Variants in RBFOX3 observed in about 807,000 individuals in gnomAD.
The protein encoded by RBFOX3 is RNA binding fox-1 homolog 3.
Under a neutral mutation model 48.7 loss-of-function variants are expected in RBFOX3, and 17 were observed. The ratio of observed to expected loss-of-function variants is 0.35; its 90% CI spans 0.24 to 0.52. The LOEUF (loss-of-function observed/expected upper bound fraction) is 0.52, where lower values mean the gene tolerates loss of function less well. Among genes scored for constraint, RBFOX3 ranks in the 20% least tolerant of loss-of-function variants. The pLI, the probability that RBFOX3 is intolerant of heterozygous loss-of-function variation, is 0.94. For synonymous variants in RBFOX3, 212 were observed against 209.5 expected (o/e 1.01, Z -0.10); for missense variants, 382 against 497.5 (o/e 0.77, Z 2.21).
intron 4 of RBFOX3, among the ~76,000 whole-genome samples, chr17:79,150,779 G>A: frequency 6.6e-6 from 1 of 152,184 alleles, no homozygotes. Context: ...AAAGAGGGGG[G>A]CAGGGAACTG....
chr17:79,522,452 A>G (rs925392220), intron 1 of RBFOX3, among the ~76,000 whole-genome samples: 7,339 of 152,146 alleles, frequency 0.048, 301 homozygotes, highest in African/African-American at 0.11. Flanking sequence ...TCCCCACCGC[A>G]CACCACCCCT....
At chr17:79,187,383 C>T (rs533430202) in intron 4 of RBFOX3, among the ~76,000 whole-genome samples, 11 of 152,332 alleles carry the variant, frequency 7.2e-5, no homozygotes, top group South Asian at 2.1e-4. Flanking sequence ...TTGGCAGCAG[C>T]GCTCCCAGGA....
chr17:79,366,146 C>T (rs1016893487), intron 2 of RBFOX3, among the ~76,000 whole-genome samples: 15 of 152,204 alleles, frequency 9.9e-5, no homozygotes, highest in East Asian at 1.9e-4. Flanking sequence ...TCAATCAACC[C>T]GGTCACTAGG....
At chr17:79,433,781 G>C (rs1279057924) in intron 2 of RBFOX3, among the ~76,000 whole-genome samples, 7 of 150,994 alleles carry the variant, frequency 4.6e-5, no homozygotes, top group Non-Finnish European at 7.4e-5. Flanking sequence ...TCAAGTCACC[G>C]TCCACACTGG....
chr17:79,304,522 A>G (rs1026903283), intron 3 of RBFOX3, among the ~76,000 whole-genome samples: 11 of 151,370 alleles, frequency 7.3e-5, no homozygotes, highest in African/African-American at 2.7e-4. Flanking sequence ...AAAAACTGCT[A>G]GAAGATCACA....
intron 2 of RBFOX3, among the ~76,000 whole-genome samples, chr17:79,348,106 A>T (rs1269774585): frequency 6.6e-6 from 1 of 152,176 alleles, no homozygotes; most frequent in Admixed American, 6.5e-5. Flanking sequence ...GAGATGCGGC[A>T]TTCAGAGGGA....
intron 2 of RBFOX3, among the ~76,000 whole-genome samples, chr17:79,374,064 T>C (rs907396988): frequency 1.3e-5 from 2 of 152,150 alleles, no homozygotes; most frequent in African/African-American, 2.4e-5. Flanking sequence ...GGTTTCGCCA[T>C]GTTGGCCAGG....
At chr17:79,099,824 C>T (rs1001595988) in intron 9 of RBFOX3, 20 of 152,216 alleles carry the variant, frequency 1.3e-4, no homozygotes, top group Admixed American at 1.2e-3. Context: ...ATAGTTAACA[C>T]CTGGGCAAAC....
At chr17:79,466,303 A>G (rs2076305030) in intron 2 of RBFOX3, among the ~76,000 whole-genome samples, 1 of 152,212 alleles carries the variant, frequency 6.6e-6, no homozygotes, top group Admixed American at 6.5e-5. Flanking sequence ...CTTGGTGATC[A>G]GGAAGAGTCC....
intron 2 of RBFOX3, among the ~76,000 whole-genome samples, chr17:79,365,094 C>T (rs12949587): frequency 0.13 from 19,794 of 152,034 alleles, 1,442 homozygotes; most frequent in African/African-American, 0.18. Context: ...AGCCTCTCTA[C>T]CCTCAACACT....
chr17:79,620,114 T>TGCACACATGTGTGCATGCACGCAC, the RBFOX3 span, among the ~76,000 whole-genome samples: 16 of 132,284 alleles, frequency 1.2e-4, no homozygotes, highest in South Asian at 9.0e-4. Flanking sequence ...CATGCACGCA[T>TGCACACATGTGTGCATGCACGCAC]ATGCACACAT....
At chr17:79,375,757 G>A (rs998982838) in intron 2 of RBFOX3, among the ~76,000 whole-genome samples, 1 of 152,158 alleles carries the variant, frequency 6.6e-6, no homozygotes, top group African/African-American at 2.4e-5. Context: ...TTTGAAAGGG[G>A]CCGCTGAGCC....
the RBFOX3 span, among the ~76,000 whole-genome samples, chr17:79,627,297 C>T: frequency 2.6e-5 from 4 of 152,196 alleles, no homozygotes; most frequent in Admixed American, 2.0e-4. Context: ...TAGCTTCCCC[C>T]ACCCCCTGGA....
At chr17:79,612,460 C>T (rs2093976242), upstream of RBFOX3, among the ~76,000 whole-genome samples, 1 of 152,140 alleles carries the variant, frequency 6.6e-6, no homozygotes, top group Non-Finnish European at 1.5e-5. Context: ...AGTAGGGGCT[C>T]TGGGCTGCTG....
At chr17:79,430,407 G>A (rs2068217874) in intron 2 of RBFOX3, among the ~76,000 whole-genome samples, 1 of 152,178 alleles carries the variant, frequency 6.6e-6, no homozygotes, top group South Asian at 2.1e-4. Context: ...CAGTTAAGGA[G>A]GCTTCCCAAA....
At chr17:79,605,039 C>T (rs2093795348) in intron 1 of RBFOX3, among the ~76,000 whole-genome samples, 1 of 152,142 alleles carries the variant, frequency 6.6e-6, no homozygotes, top group Non-Finnish European at 1.5e-5. Flanking sequence ...GACAAGGAGA[C>T]GTGGATGAGA....
Position 79,108,023 on chromosome 17 carries a change from G to A in RBFOX3, c.223-1235C>T, listed in dbSNP as rs144194597. Among the ~76,000 whole-genome samples the A allele has an allele frequency of 1.4e-3, 220 of 152,318 alleles. 1 individual carries two copies. The highest frequency in any genetic ancestry group is 2.6e-3 in the Non-Finnish European group (176 of 68,028). ...TTTTATTGGCTTCCTTCGCCTTCCC[G>A]CCTCAATTCCATGCTGCCCCTTAGG... is the stretch of plus-strand genomic sequence containing the variant. On this transcript the variant is annotated intron_variant, in intron 5 of 14. Transcript: ENST00000693108.
At chr17:79,139,549 C>G (rs190782904) in intron 4 of RBFOX3, among the ~76,000 whole-genome samples, 2 of 152,244 alleles carry the variant, frequency 1.3e-5, no homozygotes, top group African/African-American at 4.8e-5. Flanking sequence ...GCTCCTTCCC[C>G]GTGAGGCTGG....
intron 1 of RBFOX3, among the ~76,000 whole-genome samples, chr17:79,541,763 T>C (rs1555790396): frequency 6.6e-6 from 1 of 152,244 alleles, no homozygotes. Flanking sequence ...TCTGGCTTTG[T>C]CTCAGCCCTT....
Sources: allele counts gnomAD v4.1 joint callset (sites outside exome capture counted in the v4.1 genomes callset), GRCh38; gene constraint gnomAD v4.1.1; transcripts MANE v1.5; gene names NCBI Gene and HGNC (gene_info 2026-07-23, HGNC 2026-07-21).